Variants in SLC4A4 observed in about 807,000 individuals in gnomAD.
The protein encoded by SLC4A4 is electrogenic sodium bicarbonate cotransporter 1.
SLC4A4 carries 27 observed loss-of-function variants against 111.5 expected under a neutral mutation model. That is an observed-to-expected ratio of 0.24 (90% CI 0.18 to 0.33). The LOEUF is 0.33. SLC4A4 is among the 10% of genes least tolerant of loss of function. The pLI, the probability that SLC4A4 is intolerant of heterozygous loss-of-function variation, is 1.00. For synonymous variants in SLC4A4, 443 were observed against 463.4 expected (o/e 0.96, Z 0.57); for missense variants, 909 against 1,315.5 (o/e 0.69, Z 4.78).
At position 71,179,457 on chromosome 4, in the gene SLC4A4, C is replaced by T. The variant is rs200757091; in HGVS notation, c.-1-57119C>T. 1.4e-4 allele frequency among the ~76,000 whole-genome samples: 22 copies of T among 152,260 alleles called. 1 individual carries two copies. In the East Asian group the frequency reaches 4.0e-3, roughly 28 times the overall value. The stretch of plus-strand genomic sequence containing the variant: ...ACATGATTGTATATCTAGAAAACCC[C>T]ATCGTCTCAGCCCAAAATCTCCTTA... On this transcript the variant is annotated intron_variant, in intron 2 of 26. Transcript: ENST00000649996.
intron 3 of SLC4A4, among the ~76,000 whole-genome samples, chr4:71,267,098 T>C (rs2149075298): frequency 6.6e-6 from 1 of 152,284 alleles, no homozygotes; most frequent in East Asian, 1.9e-4. Flanking sequence ...TGCTAGATGT[T>C]GGGGTGATGA....
At chr4:71,240,595 C>T (rs1288120285) in intron 2 of SLC4A4, among the ~76,000 whole-genome samples, 1 of 152,102 alleles carries the variant, frequency 6.6e-6, no homozygotes, top group East Asian at 1.9e-4. Flanking sequence ...CACATGTCTA[C>T]TGATGGACAT....
chr4:71,291,217 A>G (rs1204832847), intron 3 of SLC4A4, among the ~76,000 whole-genome samples: 1 of 152,220 alleles, frequency 6.6e-6, no homozygotes, highest in Non-Finnish European at 1.5e-5. Context: ...ATTAGGAGAT[A>G]TACCTAATGC....
At chr4:71,481,681 A>T (rs371431728) in intron 14 of SLC4A4, among the ~76,000 whole-genome samples, 1 of 151,770 alleles carries the variant, frequency 6.6e-6, no homozygotes, top group Non-Finnish European at 1.5e-5. Context: ...TTCACACACA[A>T]AAAATTTTTG....
intron 1 of SLC4A4, among the ~76,000 whole-genome samples, chr4:71,216,520 C>T (rs1223947541): frequency 6.6e-6 from 1 of 152,144 alleles, no homozygotes; most frequent in Non-Finnish European, 1.5e-5. Flanking sequence ...GAAATTTGAC[C>T]TCTGATATAT....
chr4:71,292,374 C>T (rs1198633517), intron 3 of SLC4A4, among the ~76,000 whole-genome samples: 2 of 152,144 alleles, frequency 1.3e-5, no homozygotes, highest in South Asian at 2.1e-4. Context: ...TACTTAGCCC[C>T]TCCTTAGTTC....
At chr4:71,483,207 G>A (rs2149125829) in intron 14 of SLC4A4, among the ~76,000 whole-genome samples, 1 of 151,714 alleles carries the variant, frequency 6.6e-6, no homozygotes, top group East Asian at 2.0e-4. Flanking sequence ...GGATACATGT[G>A]CAGGTTTGTT....
intron 2 of SLC4A4, among the ~76,000 whole-genome samples, chr4:71,100,220 C>T (rs1280216470): frequency 1.3e-5 from 2 of 152,014 alleles, no homozygotes; most frequent in African/African-American, 2.4e-5. Flanking sequence ...ACTTGCAAAT[C>T]GAATCCAGCA....
At chr4:71,178,984 C>T (rs894580785) in intron 2 of SLC4A4, among the ~76,000 whole-genome samples, 1 of 152,194 alleles carries the variant, frequency 6.6e-6, no homozygotes, top group Non-Finnish European at 1.5e-5. Flanking sequence ...AATCCAGCAG[C>T]ACATCAAAAA....
chr4:71,312,096 A>G (rs371931011), intron 3 of SLC4A4, among the ~76,000 whole-genome samples: 3 of 152,340 alleles, frequency 2.0e-5, no homozygotes, highest in East Asian at 3.9e-4. Flanking sequence ...GGATATCACC[A>G]CTGATCTCAC....
chr4:71,208,796 A>C (rs935768097), intron 1 of SLC4A4, among the ~76,000 whole-genome samples: 1 of 152,206 alleles, frequency 6.6e-6, no homozygotes, highest in African/African-American at 2.4e-5. Context: ...TGCCTGAATC[A>C]GTGTCCCACA....
At chr4:71,120,705 T>C (rs1165554519) in intron 2 of SLC4A4, among the ~76,000 whole-genome samples, 2 of 152,140 alleles carry the variant, frequency 1.3e-5, no homozygotes, top group Non-Finnish European at 2.9e-5. Context: ...CCATCTCTAA[T>C]AAAAATACAA....
At chr4:71,535,404 A>T (rs763777201) in intron 18 of SLC4A4, among the ~76,000 whole-genome samples, 3 of 151,954 alleles carry the variant, frequency 2.0e-5, no homozygotes, top group Non-Finnish European at 4.4e-5. Context: ...GCTGTAGATC[A>T]TGGTAAGAAA....
intron 2 of SLC4A4, among the ~76,000 whole-genome samples, chr4:71,123,152 A>G (rs1194996777): frequency 6.6e-6 from 1 of 151,916 alleles, no homozygotes; most frequent in Non-Finnish European, 1.5e-5. Context: ...TACGAGACTT[A>G]AAGAAGCAGA....
chr4:71,500,055 A>T (rs1335141535), intron 16 of SLC4A4, among the ~76,000 whole-genome samples: 1 of 152,172 alleles, frequency 6.6e-6, no homozygotes, highest in African/African-American at 2.4e-5. Context: ...AACGGTGTAC[A>T]AGGGTTACCT....
rs191792383 is a variant in SLC4A4 at position 71,426,195 on chromosome 4, T to A, written c.808-14421T>A. Among the ~76,000 whole-genome samples, 217 of 152,160 alleles carry A rather than the reference T, an allele frequency of 1.4e-3. 1 individual carries two copies. Among genetic ancestry groups the A allele is most frequent in the Non-Finnish European group, 2.3e-3 (153 of 67,982 alleles). ...TTTCAATGTTAATGCTGGTCACTTG[T>A]GTATGAATTCCATGGGGAAGAGGGT... On this transcript the variant is annotated intron_variant, in intron 7 of 25. Coordinates refer to ENST00000264485, the MANE Select transcript of SLC4A4 (RefSeq NM_001098484.3).
chr4:71,215,672 T>A (rs1209020172), intron 1 of SLC4A4, among the ~76,000 whole-genome samples: 1 of 152,168 alleles, frequency 6.6e-6, no homozygotes, highest in Non-Finnish European at 1.5e-5. Flanking sequence ...ACTTTATGAT[T>A]ATGGGACTGT....
chr4:71,474,638 G>A (rs906157602), intron 14 of SLC4A4, among the ~76,000 whole-genome samples: 1 of 151,754 alleles, frequency 6.6e-6, no homozygotes, highest in African/African-American at 2.4e-5. Context: ...GGGCATTGTT[G>A]GGCTGTGTGC....
rs184331035 is a variant in SLC4A4, at chr4:71,224,125, C to G, written c.-1-12451C>G. Reference sequence around the variant, plus strand: ...CCTCAGATACTGGAGAACTCACATCCATAGCCGTTCCCTAAGTCCCGTCTG... The same window carrying G: ...CCTCAGATACTGGAGAACTCACATCGATAGCCGTTCCCTAAGTCCCGTCTG... On this transcript the variant is annotated intron_variant, in intron 1 of 25. Coordinates refer to ENST00000264485, the MANE Select transcript of SLC4A4 (RefSeq NM_001098484.3). Among the ~76,000 whole-genome samples, 387 of 152,198 alleles carry G rather than the reference C, an allele frequency of 2.5e-3. 1 individual carries two copies. Among genetic ancestry groups the G allele is most frequent in the African/African-American group, 8.7e-3 (362 of 41,500 alleles).
Sources: allele counts gnomAD v4.1 joint callset (sites outside exome capture counted in the v4.1 genomes callset), GRCh38; gene constraint gnomAD v4.1.1; transcripts MANE v1.5; gene names NCBI Gene and HGNC (gene_info 2026-07-23, HGNC 2026-07-21).